Variants in CACNG2 observed in about 807,000 individuals in gnomAD.
CACNG2 encodes the protein voltage-dependent calcium channel gamma-2 subunit.
In CACNG2, 3 loss-of-function variants were observed where a neutral mutation model predicts 25.9. The observed-to-expected ratio is 0.12, with a 90% CI of 0.05 to 0.30. The LOEUF is 0.30. CACNG2 is among the 10% of genes least tolerant of loss of function. The pLI is 1.00. For synonymous variants in CACNG2, 167 were observed against 173.3 expected, an observed-to-expected ratio of 0.96 and a Z score of 0.29; for missense variants, 341 against 432.5, an observed-to-expected ratio of 0.79 and a Z score of 1.88.
intron 1 of CACNG2, among the ~76,000 whole-genome samples, chr22:36,592,826 C>T (rs903414796): frequency 6.6e-6 from 1 of 152,100 alleles, no homozygotes; most frequent in Admixed American, 6.5e-5. Context: ...CTCTACGGTT[C>T]GACTAGAGGA....
chr22:36,611,990 G>C (rs371735484), intron 1 of CACNG2, among the ~76,000 whole-genome samples: 18 of 152,190 alleles, frequency 1.2e-4, no homozygotes, highest in South Asian at 4.1e-4. Flanking sequence ...GTCAAAACAT[G>C]GTTGTGAAGA....
At position 36,562,955 on chromosome 22, in the gene CACNG2, T is replaced by C. The variant is rs1935053009; in HGVS notation, c.*1396A>G. The C allele has an allele frequency of 6.6e-6, 1 of 151,962 alleles. No individual in the cohort carries two copies. Among genetic ancestry groups the C allele is most frequent in the African/African-American group, 2.4e-5 (1 of 41,380 alleles). 9.4% of individuals were successfully genotyped at this position (151,962 alleles called of 1,614,324 possible). ...ATTTGTATATTCGTTTTCTGTTTTTTTTTTCTTTACAAGTTCCCTGCTAAA... is the reference window on the plus strand; with the variant it reads ...ATTTGTATATTCGTTTTCTGTTTTTCTTTTCTTTACAAGTTCCCTGCTAAA... On this transcript the variant is annotated 3_prime_UTR_variant, in exon 4 of 4. Coordinates refer to ENST00000300105, the MANE Select transcript of CACNG2 (RefSeq NM_006078.5).
At chr22:36,666,486 A>G (rs1936876352) in intron 1 of CACNG2, among the ~76,000 whole-genome samples, 1 of 152,204 alleles carries the variant, frequency 6.6e-6, no homozygotes, top group African/African-American at 2.4e-5. Flanking sequence ...TCATAGAGAC[A>G]GAATGCAGAA....
intron 1 of CACNG2, among the ~76,000 whole-genome samples, chr22:36,610,603 G>A (rs534964439): frequency 6.6e-6 from 1 of 152,332 alleles, no homozygotes; most frequent in East Asian, 1.9e-4. Context: ...TCACAGATGA[G>A]GGGCAGGGGA....
chr22:36,595,921 G>T (rs2145928420), intron 1 of CACNG2, among the ~76,000 whole-genome samples: 1 of 152,346 alleles, frequency 6.6e-6, no homozygotes, highest in Non-Finnish European at 1.5e-5. Flanking sequence ...ATGTCAGGCT[G>T]GGAATTGCAG....
Position 36,646,311 on chromosome 22 carries a change from G to T in CACNG2, c.211+56055C>A, listed in dbSNP as rs540252917. ...AGTTTGAGATAGTGACATTACGCCTGGCATACTAAAAAAAAAGTTCACTGG... is the reference window on the plus strand; with the variant it reads ...AGTTTGAGATAGTGACATTACGCCTTGCATACTAAAAAAAAAGTTCACTGG... On this transcript the variant is annotated intron_variant, in intron 1 of 3. Coordinates refer to ENST00000300105, the MANE Select transcript of CACNG2 (RefSeq NM_006078.5). Among the ~76,000 whole-genome samples, 148 of 151,992 alleles carry T rather than the reference G, an allele frequency of 9.7e-4. No individual in the cohort carries two copies. The Middle Eastern group carries it at 0.01, about 10-fold the overall frequency.
At chr22:36,682,989 G>A (rs1937146096) in intron 1 of CACNG2, among the ~76,000 whole-genome samples, 1 of 152,020 alleles carries the variant, frequency 6.6e-6, no homozygotes, top group South Asian at 2.1e-4. Flanking sequence ...TTGCGAGAAC[G>A]CTTACTTCCC....
rs374212159 is a variant in CACNG2 at position 36,629,815 on chromosome 22, T to C, written c.212-42267A>G. Among the ~76,000 whole-genome samples the C allele has an allele frequency of 3.9e-5, 6 of 152,278 alleles. No individual in the cohort carries two copies. In the East Asian group the frequency reaches 9.6e-4, roughly 24 times the overall value. On this transcript the variant is annotated intron_variant, in intron 1 of 3. Coordinates refer to ENST00000300105, the MANE Select transcript of CACNG2 (RefSeq NM_006078.5). ...AAAGTCTCTGCCTTTAGAGAGCTTATATTCTAGGGGAACAGAGAGTGAGCA... is the reference window on the plus strand; with the variant it reads ...AAAGTCTCTGCCTTTAGAGAGCTTACATTCTAGGGGAACAGAGAGTGAGCA...
intron 1 of CACNG2, among the ~76,000 whole-genome samples, chr22:36,680,202 C>A (rs1331231758): frequency 6.6e-6 from 1 of 151,598 alleles, no homozygotes; most frequent in African/African-American, 2.4e-5. Context: ...CTACCACCAC[C>A]ATCACTGTCA....
At chr22:36,569,787 G>A (rs923707769) in intron 2 of CACNG2, among the ~76,000 whole-genome samples, 4 of 152,194 alleles carry the variant, frequency 2.6e-5, no homozygotes, top group African/African-American at 4.8e-5. Flanking sequence ...TGATCCACCG[G>A]CCTCGGCCTT....
rs777995011 is a variant in CACNG2 at position 36,564,765 on chromosome 22, G to A, written c.558C>T (p.Ser186=). ...YGWSFYFGAL[S]FIIAEMVGVL... ...CCCCGACCATCTCGGCGATGATGAA[G>A]GACAGGGCCCCGAAGTAGAAGGACC... The change falls in exon 4 of 4, where the codon TCC becomes TCT. Residue 186 remains serine, a synonymous_variant. Transcript: ENST00000300105. The surrounding 1 kb of genome is among the most constrained non-coding windows in gnomAD (Gnocchi z 6.7). 6.2e-6 allele frequency: 10 copies of A among 1,614,132 alleles called. No individual in the cohort carries two copies. The East Asian group carries it at 1.8e-4, about 29-fold the overall frequency.
At chr22:36,636,103 A>G (rs1196213238) in intron 1 of CACNG2, among the ~76,000 whole-genome samples, 3 of 152,038 alleles carry the variant, frequency 2.0e-5, no homozygotes, top group Non-Finnish European at 4.4e-5. Context: ...AAAACTCTTC[A>G]ATGACTTCCC....
chr22:36,646,318 T>TA (rs141842476), intron 1 of CACNG2, among the ~76,000 whole-genome samples: 17 of 151,358 alleles, frequency 1.1e-4, no homozygotes, highest in East Asian at 9.7e-4. Context: ...CCTGGCATAC[T>TA]AAAAAAAAAG....
intron 1 of CACNG2, among the ~76,000 whole-genome samples, chr22:36,685,159 T>G (rs1026404178): frequency 6.6e-6 from 1 of 152,162 alleles, no homozygotes; most frequent in African/African-American, 2.4e-5. Context: ...GGGCAGCGTT[T>G]CTGGGGGCGG....
At chr22:36,610,208 C>G (rs1423498264) in intron 1 of CACNG2, among the ~76,000 whole-genome samples, 15 of 151,626 alleles carry the variant, frequency 9.9e-5, no homozygotes, top group Admixed American at 9.8e-4. Flanking sequence ...GGAATCAGCC[C>G]CTTAGAGCGT....
At chr22:36,657,415 C>T (rs1936723063) in intron 1 of CACNG2, among the ~76,000 whole-genome samples, 2 of 152,158 alleles carry the variant, frequency 1.3e-5, no homozygotes, top group African/African-American at 2.4e-5. Context: ...CCCTGGAAAG[C>T]TCATGCTACT....
intron 1 of CACNG2, among the ~76,000 whole-genome samples, chr22:36,624,754 G>C (rs970718338): frequency 6.6e-6 from 1 of 152,062 alleles, no homozygotes; most frequent in Non-Finnish European, 1.5e-5. Context: ...ATTAGGCCGG[G>C]CCCGGTGGCT....
At chr22:36,664,250 G>A (rs758104294) in intron 1 of CACNG2, among the ~76,000 whole-genome samples, 18 of 151,964 alleles carry the variant, frequency 1.2e-4, no homozygotes, top group African/African-American at 2.4e-4. Context: ...ATACACACAC[G>A]CACAGAATGA....
At chr22:36,567,472 G>C (rs533417256) in intron 2 of CACNG2, among the ~76,000 whole-genome samples, 2 of 152,212 alleles carry the variant, frequency 1.3e-5, no homozygotes, top group South Asian at 4.2e-4. Flanking sequence ...AGAAAACAAA[G>C]TAAGAAGAGA....
Sources: gnomAD v4.1 joint callset for allele counts (sites outside exome capture counted in the v4.1 genomes callset) on GRCh38, gnomAD v4.1.1 for gene constraint, Gnocchi (gnomAD v3.1) non-coding constraint, MANE v1.5 for transcripts, NCBI Gene and HGNC (gene_info 2026-07-23, HGNC 2026-07-21) for gene names.